Variants in SPAG16 observed in about 807,000 individuals in gnomAD.
The protein encoded by SPAG16 is sperm associated antigen 16.
In SPAG16, 86 loss-of-function variants were observed where a neutral mutation model predicts 80.4. The ratio of observed to expected loss-of-function variants is 1.07; its 90% CI spans 0.90 to 1.28. SPAG16 has a LOEUF of 1.28. SPAG16 is among the 50% of genes most tolerant of loss of function. The pLI, the probability that SPAG16 is intolerant of heterozygous loss-of-function variation, is 0.00. For missense variants in SPAG16, 870 were observed against 765.3 expected, an observed-to-expected ratio of 1.14 and a Z score of -1.61; for synonymous variants, 294 against 265.9, an observed-to-expected ratio of 1.11 and a Z score of -1.03.
chr2:213,319,551 C>T (rs1207865054), intron 5 of SPAG16, among the ~76,000 whole-genome samples: 3 of 151,886 alleles, frequency 2.0e-5, no homozygotes, highest in Non-Finnish European at 4.4e-5. Context: ...GTACTGTTTG[C>T]CCTGTTGCTC....
intron 10 of SPAG16, among the ~76,000 whole-genome samples, chr2:213,619,954 A>G (rs770821027): frequency 1.3e-5 from 2 of 152,254 alleles, no homozygotes; most frequent in Non-Finnish European, 2.9e-5. Flanking sequence ...AATGTGGTAC[A>G]TATACACAAT....
At position 213,350,646 on chromosome 2, in the gene SPAG16, G is replaced by A. The variant is rs1240844682; in HGVS notation, c.762+1G>A. ...GGAAAGAGACAAAGTAGTTGGGCAG[G>A]TAAAGATATAGTCAAAGCTAACTTA... On this transcript the variant is annotated splice_donor_variant, in intron 7 of 15. Coordinates refer to ENST00000331683, the MANE Select transcript of SPAG16 (RefSeq NM_024532.5). LOFTEE classifies it high-confidence loss of function. 3.9e-6 allele frequency: 6 copies of A among 1,528,994 alleles called. No individual in the cohort carries two copies. The highest frequency in any genetic ancestry group is 2.8e-5 in the African/African-American group (2 of 71,802). 94.7% of individuals were successfully genotyped at this position (1,528,994 alleles called of 1,614,324 possible).
At chr2:213,951,618 A>G (rs188033692) in intron 12 of SPAG16, among the ~76,000 whole-genome samples, 409 of 152,308 alleles carry the variant, frequency 2.7e-3, no homozygotes, top group African/African-American at 9.4e-3. Flanking sequence ...CTCTTCTTTC[A>G]AGAAAAGATT....
chr2:213,364,833 G>C (rs559909463), intron 8 of SPAG16: 1 of 152,372 alleles, frequency 6.6e-6, no homozygotes, highest in Non-Finnish European at 1.5e-5. Context: ...AAGTTAAGTA[G>C]TGATGCGAAA....
Position 213,630,845 on chromosome 2 carries a change from T to C in SPAG16, c.1070+140755T>C, listed in dbSNP as rs113543073. Reference sequence around the variant, plus strand: ...GAGTTGGAGATAAGATAGGCAACGGTCTACCTGGGACATAAATAAACAAAT... The same window carrying C: ...GAGTTGGAGATAAGATAGGCAACGGCCTACCTGGGACATAAATAAACAAAT... On this transcript the variant is annotated intron_variant, in intron 10 of 15. Coordinates refer to ENST00000331683, the MANE Select transcript of SPAG16 (RefSeq NM_024532.5). Among the ~76,000 whole-genome samples, 222 of 152,242 alleles carry C rather than the reference T, an allele frequency of 1.5e-3. 1 individual carries two copies. Among genetic ancestry groups the C allele is most frequent in the African/African-American group, 4.3e-3 (178 of 41,538 alleles).
At chr2:214,148,832 A>G (rs2055801288) in intron 14 of SPAG16, among the ~76,000 whole-genome samples, 1 of 151,922 alleles carries the variant, frequency 6.6e-6, no homozygotes, top group Non-Finnish European at 1.5e-5. Flanking sequence ...CTTCTAATGT[A>G]GTTAAAATGA....
intron 3 of SPAG16, 95 bp from the exon 4 acceptor site, chr2:213,309,964 A>T: frequency 1.3e-6 from 1 of 747,916 alleles, no homozygotes; most frequent in African/African-American, 1.8e-5. Context: ...GTTGAAAAAA[A>T]ATGAATGGAT....
chr2:214,248,212 C>A (rs1268379040), intron 15 of SPAG16, among the ~76,000 whole-genome samples: 1 of 151,342 alleles, frequency 6.6e-6, no homozygotes, highest in Non-Finnish European at 1.5e-5. Context: ...AGTGCTGGAA[C>A]TAAGAGGTTA....
intron 15 of SPAG16, among the ~76,000 whole-genome samples, chr2:214,337,236 G>GA (rs1220206746): frequency 6.6e-6 from 1 of 151,806 alleles, no homozygotes; most frequent in Non-Finnish European, 1.5e-5. Flanking sequence ...ACCATTTAAA[G>GA]AAAAAAAGAG....
At chr2:213,706,156 T>C (rs2065743523) in intron 10 of SPAG16, among the ~76,000 whole-genome samples, 1 of 152,212 alleles carries the variant, frequency 6.6e-6, no homozygotes, top group Non-Finnish European at 1.5e-5. Flanking sequence ...GAAGTCATCA[T>C]GGAGCCGAGG....
intron 10 of SPAG16, among the ~76,000 whole-genome samples, chr2:213,702,605 T>G (rs1004555174): frequency 1.3e-5 from 2 of 152,188 alleles, no homozygotes; most frequent in African/African-American, 4.8e-5. Flanking sequence ...CATCTTTGTA[T>G]AGTCTTTTTA....
At chr2:214,007,280 A>G (rs2047071061) in intron 12 of SPAG16, among the ~76,000 whole-genome samples, 1 of 152,138 alleles carries the variant, frequency 6.6e-6, no homozygotes, top group African/African-American at 2.4e-5. Flanking sequence ...AATTCTTTAC[A>G]GATTGAAATG....
At chr2:213,347,817 G>A (rs112012046) in intron 6 of SPAG16, among the ~76,000 whole-genome samples, 3,628 of 152,214 alleles carry the variant, frequency 0.024, 62 homozygotes, top group African/African-American at 0.039. Context: ...TGTGTGGTCA[G>A]TTTTGGAATA....
chr2:214,377,831 A>C (rs919354404), intron 15 of SPAG16, among the ~76,000 whole-genome samples: 2 of 152,216 alleles, frequency 1.3e-5, no homozygotes, highest in African/African-American at 4.8e-5. Context: ...TGTGGCAAGC[A>C]CAATAATGGC....
At chr2:213,768,338 A>G (rs1223776863) in intron 10 of SPAG16, among the ~76,000 whole-genome samples, 1 of 152,208 alleles carries the variant, frequency 6.6e-6, no homozygotes, top group East Asian at 1.9e-4. Context: ...ACATTTCATA[A>G]TGAGCCTTTC....
intron 15 of SPAG16, among the ~76,000 whole-genome samples, chr2:214,353,472 A>G (rs993017298): frequency 6.6e-6 from 1 of 152,200 alleles, no homozygotes; most frequent in Non-Finnish European, 1.5e-5. Context: ...GGTACCCAGA[A>G]TCAATCTGCA....
intron 10 of SPAG16, among the ~76,000 whole-genome samples, chr2:213,792,173 A>G (rs1315766062): frequency 6.6e-6 from 1 of 152,252 alleles, no homozygotes; most frequent in Non-Finnish European, 1.5e-5. Context: ...AGTAAGAACT[A>G]CTTTGCAATG....
chr2:213,777,237 ATTTTT>A (rs59548915), intron 10 of SPAG16, among the ~76,000 whole-genome samples: 1 of 82,754 alleles, frequency 1.2e-5, no homozygotes, highest in Non-Finnish European at 2.2e-5. Flanking sequence ...GTTTGTAGGA[ATTTTT>A]TTTTTTTTTT....
intron 10 of SPAG16, among the ~76,000 whole-genome samples, chr2:213,773,171 T>G (rs1369475089): frequency 6.6e-6 from 1 of 152,160 alleles, no homozygotes; most frequent in East Asian, 1.9e-4. Flanking sequence ...ATAATTTTGT[T>G]TTTAATGATG....
Sources: gnomAD v4.1 joint callset for allele counts (sites outside exome capture counted in the v4.1 genomes callset) on GRCh38, gnomAD v4.1.1 for gene constraint, MANE v1.5 for transcripts, NCBI Gene and HGNC (gene_info 2026-07-23, HGNC 2026-07-21) for gene names.